DPP10: variants seen among roughly 807,000 people sequenced by gnomAD.
The protein encoded by DPP10 is inactive dipeptidyl peptidase 10.
Under a neutral mutation model 120.9 loss-of-function variants are expected in DPP10, and 33 were observed. That is an observed-to-expected ratio of 0.27 (90% CI 0.21 to 0.37). The LOEUF (loss-of-function observed/expected upper bound fraction) is 0.37. DPP10 is among the 10% of genes least tolerant of loss of function. The pLI is 1.00. For synonymous variants in DPP10, 337 were observed against 326.1 expected (o/e 1.03, Z -0.36); for missense variants, 816 against 942.8 (o/e 0.87, Z 1.76).
chr2:114,821,038 T>C (rs1313032874), intron 1 of DPP10, among the ~76,000 whole-genome samples: 1 of 152,206 alleles, frequency 6.6e-6, no homozygotes, highest in African/African-American at 2.4e-5. Context: ...AGCAGATCCC[T>C]GGTACACAGA....
chr2:115,147,333 T>C (rs1264626982), intron 1 of DPP10, among the ~76,000 whole-genome samples: 1 of 152,054 alleles, frequency 6.6e-6, no homozygotes, highest in Non-Finnish European at 1.5e-5. Context: ...GACATGTTTT[T>C]GTTGTGGCTT....
intron 5 of DPP10, among the ~76,000 whole-genome samples, chr2:115,656,952 T>C (rs1047062578): frequency 6.6e-6 from 1 of 151,642 alleles, no homozygotes; most frequent in African/African-American, 2.4e-5. Flanking sequence ...GTATAAAGTT[T>C]CTGTTATGCA....
chr2:115,253,724 C>T (rs2058852059), intron 1 of DPP10, among the ~76,000 whole-genome samples: 1 of 152,226 alleles, frequency 6.6e-6, no homozygotes, highest in African/African-American at 2.4e-5. Context: ...GGTTGGCTCC[C>T]AAGGGCTTGG....
At chr2:115,358,137 C>G (rs558506048) in intron 3 of DPP10, among the ~76,000 whole-genome samples, 1 of 152,204 alleles carries the variant, frequency 6.6e-6, no homozygotes, top group African/African-American at 2.4e-5. Context: ...ATTTCTGCAG[C>G]CTGCTTGAAT....
intron 3 of DPP10, among the ~76,000 whole-genome samples, chr2:115,384,671 GGAA>G (rs1324751941): frequency 1.2e-4 from 18 of 144,458 alleles, no homozygotes; most frequent in Admixed American, 2.8e-4. Context: ...AGAAGAAGAA[GGAA>G]GAAGAAGAGG....
At chr2:115,112,056 C>A (rs967008052) in intron 1 of DPP10, among the ~76,000 whole-genome samples, 1 of 151,918 alleles carries the variant, frequency 6.6e-6, no homozygotes, top group South Asian at 2.1e-4. Flanking sequence ...TTCTAATCAG[C>A]CTTTGTATGT....
chr2:115,705,524 A>G (rs1232610560), intron 7 of DPP10, among the ~76,000 whole-genome samples: 1 of 151,872 alleles, frequency 6.6e-6, no homozygotes, highest in African/African-American at 2.4e-5. Context: ...CAAGGCCAGC[A>G]ATTGACGAAT....
chr2:115,587,448 A>G (rs2082368484), intron 5 of DPP10, among the ~76,000 whole-genome samples: 1 of 152,186 alleles, frequency 6.6e-6, no homozygotes, highest in South Asian at 2.1e-4. Context: ...TTAAGATTCC[A>G]CATGTAAGTG....
intron 1 of DPP10, among the ~76,000 whole-genome samples, chr2:115,299,434 T>C (rs2061027702): frequency 6.6e-6 from 1 of 151,972 alleles, no homozygotes; most frequent in Admixed American, 6.6e-5. Context: ...GGAATGCTGA[T>C]AAGAAATACT....
At chr2:114,802,145 A>T (rs1204206407) in intron 1 of DPP10, among the ~76,000 whole-genome samples, 2 of 152,218 alleles carry the variant, frequency 1.3e-5, no homozygotes, top group African/African-American at 2.4e-5. Context: ...AACAAGAAGT[A>T]AAAGAATATA....
intron 3 of DPP10, among the ~76,000 whole-genome samples, chr2:115,440,377 T>C (rs1485358488): frequency 6.6e-6 from 1 of 152,012 alleles, no homozygotes; most frequent in Non-Finnish European, 1.5e-5. Context: ...TTATCTACTG[T>C]ATTATCTTCC....
At chr2:115,027,946 T>C (rs1287117001) in intron 1 of DPP10, among the ~76,000 whole-genome samples, 2 of 152,072 alleles carry the variant, frequency 1.3e-5, no homozygotes, top group Non-Finnish European at 2.9e-5. Context: ...CTGTAGTTAG[T>C]TGTTATGTCT....
chr2:115,098,091 G>A (rs187378487), intron 1 of DPP10, among the ~76,000 whole-genome samples: 5 of 152,260 alleles, frequency 3.3e-5, no homozygotes, highest in African/African-American at 1.2e-4. Context: ...TTCCCCAGAG[G>A]AGTAGGCATT....
chr2:115,746,952 AG>A (rs1559104869), intron 10 of DPP10, among the ~76,000 whole-genome samples: 1 of 152,212 alleles, frequency 6.6e-6, no homozygotes, highest in Non-Finnish European at 1.5e-5. Flanking sequence ...ATCGATAATC[AG>A]GGTGATTGGT....
intron 21 of DPP10, among the ~76,000 whole-genome samples, chr2:115,822,293 T>A (rs1255110074): frequency 1.3e-5 from 2 of 151,988 alleles, no homozygotes; most frequent in African/African-American, 4.8e-5. Context: ...TCATCATTTT[T>A]AATTGAGATA....
chr2:115,656,553 G>A (rs1466005152), intron 5 of DPP10, among the ~76,000 whole-genome samples: 1 of 151,562 alleles, frequency 6.6e-6, no homozygotes, highest in African/African-American at 2.4e-5. Flanking sequence ...AGTTCTATCT[G>A]GGGATTTACT....
At chr2:115,684,729 C>T (rs2090880448) in intron 5 of DPP10, among the ~76,000 whole-genome samples, 4 of 151,828 alleles carry the variant, frequency 2.6e-5, no homozygotes, top group Admixed American at 1.3e-4. Flanking sequence ...CTGAACTCTC[C>T]TTGACACGAA....
At chr2:115,017,503 T>C (rs952482992) in intron 1 of DPP10, among the ~76,000 whole-genome samples, 1 of 152,064 alleles carries the variant, frequency 6.6e-6, no homozygotes, top group East Asian at 1.9e-4. Context: ...CCATTACTGG[T>C]TATATACCCA....
At chr2:115,029,423 A>T (rs540980917) in intron 1 of DPP10, among the ~76,000 whole-genome samples, 9 of 148,168 alleles carry the variant, frequency 6.1e-5, no homozygotes, top group African/African-American at 2.2e-4. Context: ...GTGGATTTCT[A>T]CCTGTATTTT....
Sources: allele counts gnomAD v4.1 joint callset (sites outside exome capture counted in the v4.1 genomes callset), GRCh38; gene constraint gnomAD v4.1.1; transcripts MANE v1.5; gene names NCBI Gene and HGNC (gene_info 2026-07-23, HGNC 2026-07-21).